MBTPS1: variants seen among roughly 807,000 people sequenced by gnomAD.
MBTPS1 encodes membrane-bound transcription factor site-1 protease.
A neutral mutation model predicts 127.8 loss-of-function variants in MBTPS1; 94 were observed. That is an observed-to-expected ratio of 0.74 (90% CI 0.62 to 0.87). MBTPS1 has a LOEUF of 0.87. MBTPS1 is among the 40% of genes least tolerant of loss of function. The probability of loss-of-function intolerance (pLI) is 0.00; values close to 1 mark genes in which losing one functional copy is unlikely to be tolerated. For synonymous variants in MBTPS1, 632 were observed against 509.4 expected (o/e 1.24, Z -3.24); for missense variants, 1,636 against 1,353.2 (o/e 1.21, Z -3.28).
chr16:84,106,205 G>C (rs548751444), intron 1 of MBTPS1, among the ~76,000 whole-genome samples: 1 of 152,142 alleles, frequency 6.6e-6, no homozygotes, highest in Non-Finnish European at 1.5e-5. Flanking sequence ...TCAGGCAGAA[G>C]AATCACTTGA....
chr16:84,067,847 G>T, intron 15 of MBTPS1, 24 bp from the exon 16 acceptor site: 1 of 1,594,212 alleles, frequency 6.3e-7, no homozygotes, highest in South Asian at 1.1e-5. Flanking sequence ...AACCAAAGCT[G>T]GGAACTGTCA....
intron 1 of MBTPS1, 46 bp downstream of exon 1, chr16:84,116,689 C>CCGA (rs1268625118): frequency 6.6e-6 from 1 of 151,970 alleles, no homozygotes; most frequent in Non-Finnish European, 1.5e-5. Context: ...GCCGCCGCCG[C>CCGA]TAGGCGGAGC....
Position 84,066,622 on chromosome 16 carries a change from G to A in MBTPS1, c.2229-9C>T. On this transcript the variant is annotated splice_polypyrimidine_tract_variant and intron_variant, in intron 16 of 22. Transcript: ENST00000343411. ...CCGGCATCCACCACTGCCTGGGAAA[G>A]TGGTAACAGACACACAGGGAACAGG... The A allele has an allele frequency of 6.2e-7, 1 of 1,613,762 alleles. No individual in the cohort carries two copies. The highest frequency in any genetic ancestry group is 1.1e-5 in the South Asian group (1 of 91,054).
intron 10 of MBTPS1, among the ~76,000 whole-genome samples, chr16:84,082,353 G>A (rs1017148084): frequency 1.3e-5 from 2 of 152,164 alleles, no homozygotes; most frequent in African/African-American, 4.8e-5. Flanking sequence ...GCACAGGTCT[G>A]AGTGAGGACC....
intron 2 of MBTPS1, among the ~76,000 whole-genome samples, chr16:84,100,463 G>C (rs1247874899): frequency 6.6e-6 from 1 of 152,070 alleles, no homozygotes; most frequent in Admixed American, 6.6e-5. Flanking sequence ...AGAATCGCTT[G>C]AACCTGGGAG....
intron 7 of MBTPS1, among the ~76,000 whole-genome samples, 160 bp from the exon 8 acceptor site, chr16:84,091,102 G>A (rs933619380): frequency 1.3e-5 from 2 of 152,076 alleles, no homozygotes; most frequent in African/African-American, 4.8e-5. Flanking sequence ...ATTTTTAGAG[G>A]ATACCACCCG....
chr16:84,113,801 A>G (rs1322473604), intron 1 of MBTPS1, among the ~76,000 whole-genome samples: 1 of 152,240 alleles, frequency 6.6e-6, no homozygotes, highest in Admixed American at 6.5e-5. Flanking sequence ...AATTGTGTTT[A>G]GACCACGAAA....
At chr16:84,099,366 T>G in intron 2 of MBTPS1, 56 bp from the exon 3 acceptor site, 1 of 1,534,536 alleles carries the variant, frequency 6.5e-7, no homozygotes, top group Non-Finnish European at 8.8e-7. Context: ...TTATAACATA[T>G]ACTATATTGT....
At chr16:84,082,055 G>C (rs778832150) in intron 10 of MBTPS1, 147 bp from the exon 11 acceptor site, 25 of 476,802 alleles carry the variant, frequency 5.2e-5, no homozygotes, top group South Asian at 7.8e-5. Flanking sequence ...GCCTGCATGA[G>C]AGAATGAGTG....
chr16:84,055,816 C>G (rs917352007), intron 22 of MBTPS1, among the ~76,000 whole-genome samples, 189 bp downstream of exon 22: 2 of 152,240 alleles, frequency 1.3e-5, no homozygotes, highest in Non-Finnish European at 2.9e-5. Context: ...ACAACAATCT[C>G]TTAATCTGTC....
intron 13 of MBTPS1, among the ~76,000 whole-genome samples, 160 bp from the exon 14 acceptor site, chr16:84,070,198 G>A (rs2085750299): frequency 6.6e-6 from 1 of 152,190 alleles, no homozygotes; most frequent in African/African-American, 2.4e-5. Context: ...TCATAACTAA[G>A]TCCATTCAAA....
At position 84,069,915 on chromosome 16, in the gene MBTPS1, C is replaced by T. The variant is rs954769831; in HGVS notation, c.1906G>A (p.Gly636Ser). 3 of 1,614,082 alleles carry T rather than the reference C, an allele frequency of 1.9e-6. No homozygotes were observed. In the Admixed American group the frequency reaches 5.0e-5, roughly 27 times the overall value. ...CTTAAATTATCCCTGGGGAAATAGC[C>T]AGGTGGATAGCGGAGGTTGTGGTAC... is the stretch of plus-strand genomic sequence containing the variant. ...DQYHNLRYPP[G>S]YFPRDNLRMK... Residue 636 changes from glycine (G) to serine (S), a missense_variant, in exon 14 of 23, where the codon GGC (glycine) becomes AGC (serine). By Grantham distance (56) the Gly-to-Ser change is moderately conservative (BLOSUM62 0). Coordinates refer to ENST00000343411, the MANE Select transcript of MBTPS1 (RefSeq NM_003791.4).
chr16:84,077,714 T>C (rs1465013388), intron 11 of MBTPS1, among the ~76,000 whole-genome samples: 1 of 152,114 alleles, frequency 6.6e-6, no homozygotes, highest in Non-Finnish European at 1.5e-5. Context: ...GGACTCAAAA[T>C]ACAGAGGCAT....
intron 1 of MBTPS1, among the ~76,000 whole-genome samples, chr16:84,102,664 T>G (rs576306557): frequency 6.6e-6 from 1 of 152,222 alleles, no homozygotes; most frequent in Non-Finnish European, 1.5e-5. Context: ...ATTTCCCCAG[T>G]TGGCACTTTT....
At chr16:84,103,859 T>C (rs913346385) in intron 1 of MBTPS1, among the ~76,000 whole-genome samples, 4 of 152,058 alleles carry the variant, frequency 2.6e-5, no homozygotes, top group Admixed American at 6.6e-5. Flanking sequence ...GTGGAACTCA[T>C]CAGAAATGAG....
At chr16:84,086,760 A>G (rs2086033874) in intron 9 of MBTPS1, among the ~76,000 whole-genome samples, 1 of 152,170 alleles carries the variant, frequency 6.6e-6, no homozygotes, top group African/African-American at 2.4e-5. Flanking sequence ...GCGAGGGCAA[A>G]GGTGCCCAAC....
rs576626622 is a variant in MBTPS1 at position 84,074,519 on chromosome 16, A to C, written c.1593+78T>G. The C allele has an allele frequency of 4.6e-5, 67 of 1,446,678 alleles. No homozygotes were observed. The East Asian group carries it at 1.5e-3, about 31-fold the overall frequency. 89.6% of individuals were successfully genotyped at this position (1,446,678 alleles called of 1,614,324 possible). A position where few individuals can be genotyped will look rare whatever the true frequency, so the allele number is the denominator to read the frequency against. ...ACTTTTCCTTTTTTAACTTCAGCAG[A>C]AGTAACTATGGCCTAAAGGTCTGGG... On this transcript the variant is annotated intron_variant, in intron 12 of 22. Transcript: ENST00000343411.
chr16:84,109,499 G>C (rs921362201), intron 1 of MBTPS1: 1 of 152,182 alleles, frequency 6.6e-6, no homozygotes, highest in Non-Finnish European at 1.5e-5. Flanking sequence ...GCAGTAATGG[G>C]ACACACGGAG....
At position 84,081,889 on chromosome 16, in the gene MBTPS1, G is replaced by C. The variant is rs750110636; in HGVS notation, c.1306C>G (p.Leu436Val). Reference sequence around the variant, plus strand: ...TGCTTCATACTGGCGGGATTCACCAGCTCACGCTTCTGGACTGTGCTGGAG... The same window carrying C: ...TGCTTCATACTGGCGGGATTCACCACCTCACGCTTCTGGACTGTGCTGGAG... ...LLVSTVQKRE[L>V]VNPASMKQAL... Residue 436 changes from leucine (L) to valine (V), a missense_variant, in exon 11 of 23, where the codon CTG (leucine) becomes GTG (valine). Physicochemically the swap from Leu to Val is conservative, Grantham distance 32. Coordinates refer to ENST00000343411, the MANE Select transcript of MBTPS1 (RefSeq NM_003791.4). 11 of 1,447,668 alleles carry C rather than the reference G, an allele frequency of 7.6e-6. No homozygotes were observed. Among genetic ancestry groups the C allele is most frequent in the South Asian group, 4.5e-5 (3 of 66,336 alleles). 89.7% of individuals were successfully genotyped at this position (1,447,668 alleles called of 1,614,324 possible). A position where few individuals can be genotyped will look rare whatever the true frequency, so the allele number is the denominator to read the frequency against.
Sources: gnomAD v4.1 joint callset for allele counts (sites outside exome capture counted in the v4.1 genomes callset) on GRCh38, gnomAD v4.1.1 for gene constraint, MANE v1.5 for transcripts, NCBI Gene and HGNC (gene_info 2026-07-23, HGNC 2026-07-21) for gene names.